PCDHGA3: variants seen among roughly 807,000 people sequenced by gnomAD.
The protein encoded by PCDHGA3 is protocadherin gamma-A3.
In PCDHGA3, 40 loss-of-function variants were observed where a neutral mutation model predicts 58.5. The observed-to-expected ratio is 0.68, with a 90% CI of 0.53 to 0.89. The LOEUF is 0.89. PCDHGA3 is among the 40% of genes least tolerant of loss of function. PCDHGA3 has a pLI of 0.00. For missense variants in PCDHGA3, 1,223 were observed against 1,195.9 expected (o/e 1.02, Z -0.33); for synonymous variants, 530 against 525.7 (o/e 1.01, Z -0.11).
chr5:141,450,817 A>G, intron 1 of PCDHGA3, among the ~76,000 whole-genome samples: 1 of 137,534 alleles, frequency 7.3e-6, no homozygotes, highest in East Asian at 2.1e-4. Context: ...TTTATTTAAT[A>G]TTATTATTAT....
intron 1 of PCDHGA3, chr5:141,441,667 A>C: frequency 3.7e-6 from 1 of 267,984 alleles, no homozygotes; most frequent in Non-Finnish European, 7.4e-6. Flanking sequence ...TTGAGCGCAC[A>C]GTGCGCCTTC....
intron 1 of PCDHGA3, chr5:141,350,732 G>A: frequency 6.2e-7 from 1 of 1,613,968 alleles, no homozygotes; most frequent in South Asian, 1.1e-5. Context: ...TCAAGATGCA[G>A]ATGTGGAAGG....
intron 1 of PCDHGA3, among the ~76,000 whole-genome samples, chr5:141,449,290 G>A (rs1255760925): frequency 1.3e-5 from 2 of 151,934 alleles, no homozygotes; most frequent in Admixed American, 6.6e-5. Context: ...CGGATGCACC[G>A]GGTGAATTAT....
intron 1 of PCDHGA3, chr5:141,410,366 G>T: frequency 6.2e-7 from 1 of 1,613,774 alleles, no homozygotes; most frequent in Non-Finnish European, 8.5e-7. Flanking sequence ...TCTCAGCCCT[G>T]CTACTTGGGA....
Position 141,387,738 on chromosome 5 carries a change from A to G in PCDHGA3, c.2424+41281A>G, listed in dbSNP as rs972177545. On this transcript the variant is annotated intron_variant, in intron 1 of 3. Transcript: ENST00000253812. ...CAGACTCCCCAGCGCCAGCCTTTAC[A>G]CCGCTTCCTCCTCGGAAAAAGAAGA... 7 of 1,322,274 alleles carry G rather than the reference A, an allele frequency of 5.3e-6. No individual in the cohort carries two copies. The Admixed American group carries it at 1.1e-4, about 21-fold the overall frequency. 81.9% of individuals were successfully genotyped at this position (1,322,274 alleles called of 1,614,324 possible).
chr5:141,357,886 T>C lies in PCDHGA3; in HGVS notation c.2424+11429T>C, dbSNP rs144492107. 2.4e-4 allele frequency among the ~76,000 whole-genome samples: 37 copies of C among 152,312 alleles called. No individual in the cohort carries two copies. In the East Asian group the frequency reaches 5.6e-3, roughly 23 times the overall value. On this transcript the variant is annotated intron_variant, in intron 1 of 3. Coordinates refer to ENST00000253812, the MANE Select transcript of PCDHGA3 (RefSeq NM_018916.4). Reference sequence around the variant, plus strand: ...AATTTTACAACTCTGAGCCACCTCATTTCCTTAAATTTCCTTTTCTGTGCT... The same window carrying C: ...AATTTTACAACTCTGAGCCACCTCACTTCCTTAAATTTCCTTTTCTGTGCT...
At chr5:141,439,727 C>G (rs940325016) in intron 1 of PCDHGA3, 2 of 152,406 alleles carry the variant, frequency 1.3e-5, no homozygotes, top group Non-Finnish European at 2.9e-5. Context: ...AAATTATAAG[C>G]AGGAACGGAA....
In PCDHGA3 at chr5:141,493,269, C is replaced by T. The variant is rs142898207; in HGVS notation, c.2425-1538C>T. ...ACATGCCTCTCTTATAACAGCTTCA[C>T]AGAGGTCAAGTGACTTGCTCAAGTT... is the stretch of plus-strand genomic sequence containing the variant. On this transcript the variant is annotated intron_variant, in intron 1 of 3. Coordinates refer to ENST00000253812, the MANE Select transcript of PCDHGA3 (RefSeq NM_018916.4). This position sits in a 1 kb window ranked among gnomAD's most constrained non-coding sequence, Gnocchi z 4.3. Among the ~76,000 whole-genome samples the T allele has an allele frequency of 1.3e-5, 2 of 152,322 alleles. No individual in the cohort carries two copies. The highest frequency in any genetic ancestry group is 4.8e-5 in the African/African-American group (2 of 41,570).
At chr5:141,421,355 G>A in intron 1 of PCDHGA3, 1 of 1,613,990 alleles carries the variant, frequency 6.2e-7, no homozygotes, top group East Asian at 2.2e-5. Flanking sequence ...ACCGAAAAGG[G>A]CTCCTTCGTG....
rs1242064357 is a variant in PCDHGA3, at chr5:141,345,643, G to A, written c.1610G>A (p.Ser537Asn). The A allele has an allele frequency of 6.2e-7, 1 of 1,614,204 alleles. No individual in the cohort carries two copies. Among genetic ancestry groups the A allele is most frequent in the Non-Finnish European group, 8.5e-7 (1 of 1,180,046 alleles). The change falls in exon 1 of 4, where the codon AGC (serine) becomes AAC (asparagine). Residue 537 changes from serine (S) to asparagine (N), a missense_variant. Ser to Asn is a conservative substitution (Grantham distance 46). Coordinates refer to ENST00000253812, the MANE Select transcript of PCDHGA3 (RefSeq NM_018916.4). The stretch of plus-strand genomic sequence containing the variant: ...AAGCTACTGGTGACAGCCAGCGACA[G>A]CGGGAACCCTCCACTCAGCAGCAAC... ...DLKLLVTASD[S>N]GNPPLSSNVS...
intron 1 of PCDHGA3, chr5:141,492,003 T>G: frequency 1.6e-6 from 1 of 626,972 alleles, no homozygotes; most frequent in Non-Finnish European, 2.6e-6. Context: ...TCGGGCGATT[T>G]CCGCGGGTGT....
chr5:141,510,813 C>T, intron 3 of PCDHGA3, 134 bp from the exon 4 acceptor site: 1 of 1,537,024 alleles, frequency 6.5e-7, no homozygotes, highest in South Asian at 1.2e-5. Flanking sequence ...CTTGGTGACC[C>T]CTATATTCCC....
Position 141,361,680 on chromosome 5 carries a change from C to G in PCDHGA3, c.2424+15223C>G, listed in dbSNP as rs369369005. On this transcript the variant is annotated intron_variant, in intron 1 of 3. Transcript: ENST00000253812. ...TGAGCGCGCAGAGCGGGGTGGTGTT[C>G]GCGCAGCGCGCCTTCGATCATGAGC... The G allele has an allele frequency of 6.8e-6, 11 of 1,613,576 alleles. No individual in the cohort carries two copies. The South Asian group carries it at 1.2e-4, about 18-fold the overall frequency.
At chr5:141,417,621 A>G in intron 1 of PCDHGA3, 1 of 662,852 alleles carries the variant, frequency 1.5e-6, no homozygotes, top group Non-Finnish European at 2.4e-6. Context: ...GTGCAGAGCA[A>G]GCGCTGACGC....
intron 1 of PCDHGA3, among the ~76,000 whole-genome samples, chr5:141,442,612 A>C (rs1180568407): frequency 6.6e-6 from 1 of 152,212 alleles, no homozygotes; most frequent in Non-Finnish European, 1.5e-5. Flanking sequence ...ATCTCAGTAA[A>C]AAGCATTTCT....
chr5:141,497,396 C>T (rs2099776233), intron 2 of PCDHGA3, among the ~76,000 whole-genome samples: 1 of 152,116 alleles, frequency 6.6e-6, no homozygotes, highest in Middle Eastern at 3.2e-3. Flanking sequence ...CTTACCCCTG[C>T]CTCAACTCCC....
At chr5:141,365,560 GGACAGAGAAGA>G in intron 1 of PCDHGA3, 1 of 1,613,652 alleles carries the variant, frequency 6.2e-7, no homozygotes, top group Non-Finnish European at 8.5e-7. Context: ...CTAGGGACCT[GGACAGAGAAGA>G]GACTTCAGAT....
At chr5:141,435,884 C>G (rs1020738994) in intron 1 of PCDHGA3, among the ~76,000 whole-genome samples, 9 of 152,070 alleles carry the variant, frequency 5.9e-5, no homozygotes, top group African/African-American at 1.9e-4. Flanking sequence ...ATTGGAAACC[C>G]CTTAGAGAAT....
chr5:141,395,413 GT>G, intron 1 of PCDHGA3: 2 of 791,446 alleles, frequency 2.5e-6, no homozygotes, highest in Non-Finnish European at 3.8e-6. Context: ...ATAGGTTATT[GT>G]TTCATTTGCT....
Sources: gnomAD v4.1 joint callset for allele counts (sites outside exome capture counted in the v4.1 genomes callset) on GRCh38, gnomAD v4.1.1 for gene constraint, Gnocchi (gnomAD v3.1) non-coding constraint, MANE v1.5 for transcripts, NCBI Gene and HGNC (gene_info 2026-07-23, HGNC 2026-07-21) for gene names.